The following SH3GL3 variants were observed in gnomAD, a reference collection of about 807,000 sequenced individuals.
SH3GL3 encodes SH3 domain containing GRB2 like 3, endophilin A3.
SH3GL3 carries 33 observed loss-of-function variants against 47.7 expected under a neutral mutation model. The ratio of observed to expected loss-of-function variants is 0.69; its 90% CI spans 0.52 to 0.92. The LOEUF is 0.92. Among genes scored for constraint, SH3GL3 ranks in the 40% least tolerant of loss-of-function variants. The pLI is 0.00. For missense variants in SH3GL3, 363 were observed against 417.8 expected, an observed-to-expected ratio of 0.87 and a Z score of 1.14; for synonymous variants, 155 against 148.8, an observed-to-expected ratio of 1.04 and a Z score of -0.30.
the SH3GL3 span, among the ~76,000 whole-genome samples, chr15:83,630,043 T>C: frequency 6.6e-6 from 1 of 152,252 alleles, no homozygotes; most frequent in South Asian, 2.1e-4. Flanking sequence ...TGATAGTAAA[T>C]AAGTCTCACA....
At chr15:83,543,654 T>C (rs1184411822) in intron 1 of SH3GL3, among the ~76,000 whole-genome samples, 1 of 152,044 alleles carries the variant, frequency 6.6e-6, no homozygotes, top group Non-Finnish European at 1.5e-5. Context: ...CAGAAGACTT[T>C]GTATTTCAAA....
chr15:83,633,153 A>G, the SH3GL3 span, among the ~76,000 whole-genome samples: 4 of 150,494 alleles, frequency 2.7e-5, no homozygotes, highest in Middle Eastern at 3.4e-3. Flanking sequence ...AAACCGATGC[A>G]AAATACTCAA....
At position 83,456,085 on chromosome 15, in the gene SH3GL3, G is replaced by A. The variant is rs2039943934; in HGVS notation, c.45+8507G>A. ...ACCCTGCCATGTGAGATGTCAGTGT[G>A]CCCCTGATGGGGGGTGCCTCCCAGT... On this transcript the variant is annotated intron_variant, in intron 1 of 8. Coordinates refer to ENST00000427482, the MANE Select transcript of SH3GL3 (RefSeq NM_003027.5). 2.2e-5 allele frequency among the ~76,000 whole-genome samples: 2 copies of A among 92,018 alleles called. 1 individual carries two copies. Among genetic ancestry groups the A allele is most frequent in the Non-Finnish European group, 4.7e-5 (2 of 42,828 alleles). The allele number at this position is 92,018 out of a possible 152,430, so 60.4% of individuals were successfully genotyped here. A position where few individuals can be genotyped will look rare whatever the true frequency, so the allele number is the denominator to read the frequency against.
intron 1 of SH3GL3, among the ~76,000 whole-genome samples, chr15:83,556,764 T>C (rs2044980799): frequency 6.6e-6 from 1 of 152,042 alleles, no homozygotes; most frequent in Non-Finnish European, 1.5e-5. Context: ...TATGATTCTG[T>C]GGGTCAGCAA....
chr15:83,497,431 A>G (rs1179074137), intron 1 of SH3GL3, among the ~76,000 whole-genome samples: 2 of 152,134 alleles, frequency 1.3e-5, no homozygotes, highest in Non-Finnish European at 2.9e-5. Flanking sequence ...ATAAATATGG[A>G]GGGCTATGTA....
At chr15:83,529,190 C>T (rs1341324126) in intron 1 of SH3GL3, among the ~76,000 whole-genome samples, 1 of 152,138 alleles carries the variant, frequency 6.6e-6, no homozygotes, top group Non-Finnish European at 1.5e-5. Context: ...CCTTTGTGCC[C>T]AGTGGTGGCA....
chr15:83,562,030 A>AACACAAC (rs1555412482), intron 2 of SH3GL3, among the ~76,000 whole-genome samples: 1 of 132,980 alleles, frequency 7.5e-6, no homozygotes, highest in Admixed American at 7.5e-5. Flanking sequence ...ACACACACAC[A>AACACAAC]ACACACACAC....
chr15:83,502,704 A>C (rs746051026), intron 1 of SH3GL3, among the ~76,000 whole-genome samples: 5 of 152,100 alleles, frequency 3.3e-5, no homozygotes, highest in Non-Finnish European at 7.4e-5. Context: ...GAGTACAGGC[A>C]TGCTCCACCT....
chr15:83,544,644 A>T (rs2044318707), intron 1 of SH3GL3, among the ~76,000 whole-genome samples: 1 of 152,036 alleles, frequency 6.6e-6, no homozygotes. Context: ...TTTCTTTCAG[A>T]TTGAAAAACT....
chr15:83,532,032 T>C (rs1157238594), intron 1 of SH3GL3, among the ~76,000 whole-genome samples: 1 of 152,212 alleles, frequency 6.6e-6, no homozygotes. Flanking sequence ...TAAAAACATC[T>C]GAATTCTATA....
At chr15:83,471,432 T>G (rs2151532080) in intron 1 of SH3GL3, among the ~76,000 whole-genome samples, 1 of 152,304 alleles carries the variant, frequency 6.6e-6, no homozygotes, top group East Asian at 1.9e-4. Context: ...GTAAACAAAT[T>G]AAAAGCTAAC....
At chr15:83,474,749 T>C (rs1006650948) in intron 1 of SH3GL3, among the ~76,000 whole-genome samples, 1 of 152,162 alleles carries the variant, frequency 6.6e-6, no homozygotes. Context: ...AACTGAGCGC[T>C]TGCCCATGTG....
intron 1 of SH3GL3, among the ~76,000 whole-genome samples, chr15:83,537,419 T>C (rs1443536602): frequency 6.6e-6 from 1 of 152,200 alleles, no homozygotes. Context: ...ATACTTTCCA[T>C]ACAGTAATAC....
intron 2 of SH3GL3, 143 bp downstream of exon 2, chr15:83,559,464 T>C: frequency 1.7e-6 from 1 of 598,608 alleles, no homozygotes; most frequent in Non-Finnish European, 3.0e-6. Context: ...AGGCAGTACT[T>C]TCCCACGTCC....
At chr15:83,464,350 G>A (rs1383986045) in intron 1 of SH3GL3, among the ~76,000 whole-genome samples, 1 of 152,094 alleles carries the variant, frequency 6.6e-6, no homozygotes, top group African/African-American at 2.4e-5. Flanking sequence ...CCCAGGCCCT[G>A]GCTTGGGTAC....
intron 1 of SH3GL3, among the ~76,000 whole-genome samples, chr15:83,494,569 GTC>G (rs1401947745): frequency 6.8e-6 from 1 of 147,664 alleles, no homozygotes; most frequent in African/African-American, 2.5e-5. Flanking sequence ...TTTGAGGTGA[GTC>G]TTGCTCTGTC....
At position 83,577,691 on chromosome 15, in the gene SH3GL3, C is replaced by T. The variant is rs768017525; in HGVS notation, c.624+950C>T. On this transcript the variant is annotated intron_variant, in intron 6 of 8. Transcript: ENST00000427482. ...ACAGGTGTGAGCCACCACGCCAGCC[C>T]CTGACTCAATATCTTAAATCTTGAG... Among the ~76,000 whole-genome samples the T allele has an allele frequency of 2.0e-5, 3 of 152,124 alleles. No homozygotes were observed. In the East Asian group the frequency reaches 5.8e-4, roughly 29 times the overall value.
intron 5 of SH3GL3, among the ~76,000 whole-genome samples, chr15:83,573,230 A>T (rs543720730): frequency 7.2e-5 from 11 of 152,166 alleles, no homozygotes; most frequent in Non-Finnish European, 1.6e-4. Context: ...CAGCCCCAAG[A>T]CTTCTACCCC....
intron 1 of SH3GL3, among the ~76,000 whole-genome samples, chr15:83,548,109 C>A (rs2044493329): frequency 6.6e-6 from 1 of 151,416 alleles, no homozygotes; most frequent in South Asian, 2.1e-4. Context: ...CACTTCCAAG[C>A]AATAGAATAG....
Sources: gnomAD v4.1 joint callset for allele counts (sites outside exome capture counted in the v4.1 genomes callset) on GRCh38, gnomAD v4.1.1 for gene constraint, MANE v1.5 for transcripts, NCBI Gene and HGNC (gene_info 2026-07-23, HGNC 2026-07-21) for gene names.